ASH1L: variants seen among roughly 807,000 people sequenced by gnomAD.
The protein encoded by ASH1L is ASH1 like histone lysine methyltransferase, also known as histone-lysine N-methyltransferase ASH1L.
A neutral mutation model predicts 269.0 loss-of-function variants in ASH1L; 23 were observed. The observed-to-expected ratio is 0.09, with a 90% CI of 0.06 to 0.12. ASH1L has a LOEUF of 0.12. ASH1L is among the 10% of genes least tolerant of loss of function. The probability of loss-of-function intolerance (pLI) is 1.00; values close to 1 mark genes in which losing one functional copy is unlikely to be tolerated. For missense variants in ASH1L, 2,912 were observed against 3,567.8 expected, an observed-to-expected ratio of 0.82 and a Z score of 4.68; for synonymous variants, 1,187 against 1,253.5, an observed-to-expected ratio of 0.95 and a Z score of 1.12.
chr1:155,360,448 T>TC, intron 12 of ASH1L, 39 bp from the exon 13 acceptor site: 1 of 1,138,954 alleles, frequency 8.8e-7, no homozygotes, highest in East Asian at 2.8e-5. Flanking sequence ...GGCTGGAAAT[T>TC]TTTTTTTTTT....
At chr1:155,538,320 G>C (rs1238711756) in intron 1 of ASH1L, among the ~76,000 whole-genome samples, 3 of 150,654 alleles carry the variant, frequency 2.0e-5, no homozygotes, top group African/African-American at 7.3e-5. Flanking sequence ...TGGGATTACA[G>C]GCATGAGCTA....
rs573547491 is a variant in ASH1L, at chr1:155,490,097, T to C, written c.421-7648A>G. 5.6e-3 allele frequency among the ~76,000 whole-genome samples: 856 copies of C among 151,690 alleles called. 7 individuals carry two copies. Among genetic ancestry groups the C allele is most frequent in the African/African-American group, 0.02 (816 of 41,432 alleles). ...CACTCTCCTGCCTCAGCCTCCCAAGTAGCTGGGACTACGCCCGCCACCATG... is the reference window on the plus strand; with the variant it reads ...CACTCTCCTGCCTCAGCCTCCCAAGCAGCTGGGACTACGCCCGCCACCATG... On this transcript the variant is annotated intron_variant, in intron 2 of 27. Coordinates refer to ENST00000392403, the MANE Select transcript of ASH1L (RefSeq NM_018489.3).
chr1:155,522,750 G>A (rs999309272), intron 1 of ASH1L, among the ~76,000 whole-genome samples: 1 of 150,428 alleles, frequency 6.6e-6, no homozygotes, highest in Non-Finnish European at 1.5e-5. Flanking sequence ...GCAGTGGCGC[G>A]ATCTCAGCTC....
intron 2 of ASH1L, among the ~76,000 whole-genome samples, chr1:155,519,762 G>A (rs1422595458): frequency 6.6e-6 from 1 of 151,932 alleles, no homozygotes; most frequent in Non-Finnish European, 1.5e-5. Flanking sequence ...GGATTCAAGC[G>A]ATTCTCCTGC....
rs75670716 is a variant in ASH1L at position 155,460,095 on chromosome 1, G to A, written c.4985-197C>T. Among the ~76,000 whole-genome samples the A allele has an allele frequency of 7.3e-3, 1,107 of 152,214 alleles. 14 individuals are homozygous for A. The highest frequency in any genetic ancestry group is 0.025 in the African/African-American group (1,053 of 41,522). On this transcript the variant is annotated intron_variant, in intron 3 of 27. Coordinates refer to ENST00000392403, the MANE Select transcript of ASH1L (RefSeq NM_018489.3). Reference sequence around the variant, plus strand: ...TATATGTTGTTGTCAGAATTTCACAGATCTTATATACATAAGTTCTCCTGT... The same window carrying A: ...TATATGTTGTTGTCAGAATTTCACAAATCTTATATACATAAGTTCTCCTGT...
rs536369288 is a variant in ASH1L, at chr1:155,341,855, C to T, written c.8460+81G>A. The T allele has an allele frequency of 2.2e-4, 312 of 1,435,708 alleles. 4 individuals are homozygous for T. The South Asian group carries it at 3.4e-3, about 15-fold the overall frequency. The allele number at this position is 1,435,708 out of a possible 1,614,324, so 88.9% of individuals were successfully genotyped here. On this transcript the variant is annotated intron_variant, in intron 25 of 27. Coordinates refer to ENST00000392403, the MANE Select transcript of ASH1L (RefSeq NM_018489.3). Reference sequence around the variant, plus strand: ...ATTTGGATGAAGAAGCAGAGAACTACGTGAAGATTTTCGCTCAGTGAATTT... The same window carrying T: ...ATTTGGATGAAGAAGCAGAGAACTATGTGAAGATTTTCGCTCAGTGAATTT...
At chr1:155,524,111 C>T (rs1293356023) in intron 1 of ASH1L, among the ~76,000 whole-genome samples, 1 of 152,186 alleles carries the variant, frequency 6.6e-6, no homozygotes, top group Non-Finnish European at 1.5e-5. Flanking sequence ...TCAAACTTAT[C>T]TTTACTTCCC....
At chr1:155,401,198 C>T (rs1055055373) in intron 6 of ASH1L, among the ~76,000 whole-genome samples, 3 of 149,858 alleles carry the variant, frequency 2.0e-5, no homozygotes, top group African/African-American at 4.9e-5. Context: ...CGCCGGTGGC[C>T]GGGCATGGTG....
At position 155,480,638 on chromosome 1, in the gene ASH1L, G is replaced by A. The variant is rs374659929; in HGVS notation, c.2232C>T (p.Asn744=). ...LELERSELFK[N]VSCSSLSNSN... is the part of the protein sequence containing the mutation. ...TATTTGATAGTGAGCTACATGAAACGTTTTTAAAAAGCTCTGATCTTTCTA... is the reference window on the plus strand; with the variant it reads ...TATTTGATAGTGAGCTACATGAAACATTTTTAAAAAGCTCTGATCTTTCTA... The change falls in exon 3 of 28, where the codon AAC becomes AAT. Residue 744 remains asparagine, a synonymous_variant. Coordinates refer to ENST00000392403, the MANE Select transcript of ASH1L (RefSeq NM_018489.3). 73 of 1,613,926 alleles carry A rather than the reference G, an allele frequency of 4.5e-5. No individual in the cohort carries two copies. The highest frequency in any genetic ancestry group is 5.2e-5 in the Non-Finnish European group (61 of 1,179,978).
Position 155,480,945 on chromosome 1 carries a change from T to C in ASH1L, c.1925A>G (p.Asp642Gly). ...EVNDSKTTHI[D>G]IPRISSSLGK... ...AAGGGAAGAGCTTATTCTTGGAATA[T>C]CTATATGGGTAGTTTTTGAATCATT... The change falls in exon 3 of 28, where the codon GAT becomes GGT. Residue 642 changes from aspartate (D) to glycine (G), a missense_variant. Around this residue, in one of 13 missense-constraint regions of ASH1L, gnomAD observed 715 missense variants for 721.0 expected, o/e 0.99. Coordinates refer to ENST00000392403, the MANE Select transcript of ASH1L (RefSeq NM_018489.3). 6.2e-7 allele frequency: 1 copy of C among 1,614,058 alleles called. No individual in the cohort carries two copies. Among genetic ancestry groups the C allele is most frequent in the South Asian group, 1.1e-5 (1 of 91,064 alleles).
intron 2 of ASH1L, among the ~76,000 whole-genome samples, chr1:155,484,789 CGTGGT>C (rs961005465): frequency 1.3e-5 from 2 of 150,354 alleles, no homozygotes; most frequent in African/African-American, 4.9e-5. Context: ...ATCAGCCGGA[CGTGGT>C]GGCGGGCGCC....
chr1:155,444,957 T>C (rs1273643639), intron 4 of ASH1L, among the ~76,000 whole-genome samples: 1 of 152,070 alleles, frequency 6.6e-6, no homozygotes, highest in Non-Finnish European at 1.5e-5. Context: ...TTTATACTAT[T>C]TAAGAAATCT....
intron 16 of ASH1L, 24 bp downstream of exon 16, chr1:155,354,449 A>G (rs1342107331): frequency 6.2e-7 from 1 of 1,601,082 alleles, no homozygotes; most frequent in Non-Finnish European, 8.5e-7. Context: ...GTCTCAAAAA[A>G]AAGAAATGTT....
rs775172041 is a variant in ASH1L at position 155,360,359 on chromosome 1, G to A, written c.6737C>T (p.Pro2246Leu). The change falls in exon 13 of 28, where the codon CCA (proline) becomes CTA (leucine). Residue 2246 changes from proline (P) to leucine (L), a missense_variant. By Grantham distance (98) the Pro-to-Leu change is moderately conservative (BLOSUM62 -3). This residue lies in a region of ASH1L where 309 missense variants were observed against 435.1 expected (regional missense o/e 0.71). Transcript: ENST00000392403. ...ATCATAAGTGAGTTCAGTCCCAGCT[G>A]GCATGTCTTTAAGAGCATAGAGTCC... ...RIGLYALKDM[P>L]AGTELTYDYN... 1.1e-5 allele frequency: 17 copies of A among 1,613,440 alleles called. No homozygotes were observed. The East Asian group carries it at 3.6e-4, about 34-fold the overall frequency.
chr1:155,433,077 A>G (rs1261655311), intron 5 of ASH1L: 1 of 1,228,564 alleles, frequency 8.1e-7, no homozygotes, highest in Admixed American at 2.9e-5. Context: ...AAGCTTCAAT[A>G]ATTAAACTGC....
At chr1:155,553,610 T>C (rs1298003489) in intron 1 of ASH1L, among the ~76,000 whole-genome samples, 2 of 152,132 alleles carry the variant, frequency 1.3e-5, no homozygotes, top group Non-Finnish European at 2.9e-5. Context: ...CTCACACTTA[T>C]CCTTTAAAGC....
chr1:155,498,828 G>T (rs1667321200), intron 2 of ASH1L, among the ~76,000 whole-genome samples: 1 of 151,556 alleles, frequency 6.6e-6, no homozygotes, highest in African/African-American at 2.4e-5. Context: ...ATCAGCCACT[G>T]CGCCTGGCCC....
rs778604282 is a variant in ASH1L at position 155,370,973 on chromosome 1, C to T, written c.6343G>A (p.Ala2115Thr). 2 of 1,613,902 alleles carry T rather than the reference C, an allele frequency of 1.2e-6. No individual in the cohort carries two copies. Among genetic ancestry groups the T allele is most frequent in the Admixed American group, 1.7e-5 (1 of 59,990 alleles). The change falls in exon 11 of 28, where the codon GCT (alanine) becomes ACT (threonine). Residue 2115 changes from alanine (A) to threonine (T), a missense_variant. Ala to Thr is a moderately conservative substitution (Grantham distance 58). This residue lies in a region of ASH1L where 193 missense variants were observed against 311.6 expected (regional missense o/e 0.62). Transcript: ENST00000392403. ...GGGCAAGTGTTGGGGGAACACTCAG[C>T]AAAGATCATTCTAGAAAAAAAAGGA... ...VDDCLNRMIFAECSPNTCPCG... is the reference protein window; with the variant it reads ...VDDCLNRMIFTECSPNTCPCG...
chr1:155,550,043 C>G (rs1209046792), intron 1 of ASH1L, among the ~76,000 whole-genome samples: 1 of 150,938 alleles, frequency 6.6e-6, no homozygotes, highest in Non-Finnish European at 1.5e-5. Flanking sequence ...TTTTTTGAGA[C>G]AGAGTCTCGC....
Sources: allele counts gnomAD v4.1 joint callset (sites outside exome capture counted in the v4.1 genomes callset), GRCh38; gene constraint gnomAD v4.1.1; regional missense constraint gnomAD v4.1.1; transcripts MANE v1.5; gene names NCBI Gene and HGNC (gene_info 2026-07-23, HGNC 2026-07-21).